Variants in RELN observed in about 807,000 individuals in gnomAD.
RELN encodes reelin.
A neutral mutation model predicts 427.6 loss-of-function variants in RELN; 108 were observed. The ratio of observed to expected loss-of-function variants is 0.25; its 90% CI spans 0.22 to 0.30. The LOEUF is 0.30. Ranked by LOEUF, RELN falls within the 10% of genes least tolerant of loss-of-function variation. The pLI is 1.00. For synonymous variants in RELN, 1,524 were observed against 1,513.4 expected, an observed-to-expected ratio of 1.01 and a Z score of -0.16; for missense variants, 3,715 against 4,302.8, an observed-to-expected ratio of 0.86 and a Z score of 3.82.
intron 3 of RELN, among the ~76,000 whole-genome samples, chr7:103,826,009 C>T (rs990093910): frequency 6.6e-6 from 1 of 151,970 alleles, no homozygotes; most frequent in East Asian, 1.9e-4. Context: ...GACAGCTCTG[C>T]CCTCATGAAT....
intron 3 of RELN, among the ~76,000 whole-genome samples, chr7:103,827,892 A>G (rs1461821640): frequency 1.3e-5 from 2 of 152,086 alleles, no homozygotes; most frequent in Non-Finnish European, 2.9e-5. Flanking sequence ...ATCTCAGAGC[A>G]TAGGTACAAT....
chr7:103,970,883 T>A (rs1478125316), intron 1 of RELN, among the ~76,000 whole-genome samples: 1 of 152,154 alleles, frequency 6.6e-6, no homozygotes, highest in Non-Finnish European at 1.5e-5. Flanking sequence ...AGGCTAGGCG[T>A]GGTGGCTCAC....
Position 103,681,309 on chromosome 7 carries a change from G to A in RELN, c.1289+807C>T, listed in dbSNP as rs78588575. Reference sequence around the variant, plus strand: ...TAATTTGTTGAGATCACAGTGACACGACTATACCTCAAATGTTGTATTATG... The same window carrying A: ...TAATTTGTTGAGATCACAGTGACACAACTATACCTCAAATGTTGTATTATG... On this transcript the variant is annotated intron_variant, in intron 11 of 64. Transcript: ENST00000428762. 6.4e-3 allele frequency among the ~76,000 whole-genome samples: 980 copies of A among 152,196 alleles called. 9 individuals carry two copies. Among genetic ancestry groups the A allele is most frequent in the African/African-American group, 0.019 (788 of 41,514 alleles).
intron 1 of RELN, among the ~76,000 whole-genome samples, chr7:103,962,967 C>T (rs916954597): frequency 1.3e-5 from 2 of 151,990 alleles, no homozygotes; most frequent in African/African-American, 4.8e-5. Context: ...AGGGAAGACA[C>T]TGGGGAAAGG....
At position 103,629,952 on chromosome 7, in the gene RELN, T is replaced by C; in HGVS notation, c.2690A>G (p.Asp897Gly). 1 of 1,601,162 alleles carries C rather than the reference T, an allele frequency of 6.2e-7. No individual in the cohort carries two copies. The highest frequency in any genetic ancestry group is 8.6e-7 in the Non-Finnish European group (1 of 1,168,264). Residue 897 changes from aspartate (D) to glycine (G), a missense_variant, in exon 20 of 65, where the codon GAC (aspartate) becomes GGC (glycine). This residue lies in a region of RELN where 2,208 missense variants were observed against 2,361.7 expected (regional missense o/e 0.93). Coordinates refer to ENST00000428762, the MANE Select transcript of RELN (RefSeq NM_005045.4). ...LGNVQPYCGH[D>G]WTLCFTGDSK... ...ATGAAATCCTTACCAAAGGGTCCAG[T>C]CGTGGCCACAGTATGGCTGAACATT...
chr7:103,971,766 T>TA (rs1191773042), intron 1 of RELN, among the ~76,000 whole-genome samples: 1 of 152,126 alleles, frequency 6.6e-6, no homozygotes, highest in African/African-American at 2.4e-5. Flanking sequence ...GAATAAATAA[T>TA]AAAAATAAAC....
intron 51 of RELN, among the ~76,000 whole-genome samples, chr7:103,503,855 T>C (rs188089433): frequency 3.6e-4 from 52 of 146,402 alleles, no homozygotes; most frequent in Non-Finnish European, 4.3e-4. Context: ...CTTTGTTTTC[T>C]ATAAATTTTT....
chr7:103,729,921 T>C (rs1400498695), intron 6 of RELN, among the ~76,000 whole-genome samples: 6 of 152,064 alleles, frequency 3.9e-5, no homozygotes, highest in African/African-American at 4.8e-5. Context: ...TAGGGTTTTT[T>C]TTTTCCATAG....
At chr7:103,692,401 A>G (rs900676914) in intron 10 of RELN, among the ~76,000 whole-genome samples, 2 of 152,086 alleles carry the variant, frequency 1.3e-5, no homozygotes, top group Non-Finnish European at 2.9e-5. Flanking sequence ...AGGCCCAGGA[A>G]TCAATGCCAG....
rs1229092334 is a variant in RELN at position 103,667,034 on chromosome 7, T to TA, written c.1290-5508_1290-5507insT. On this transcript the variant is annotated intron_variant, in intron 11 of 64. Transcript: ENST00000428762. The stretch of plus-strand genomic sequence containing the variant: ...TTCAGCTAAAGGCTTATTACTCAGG[T>TA]TTTTAATTTCCCTTTGTTTTAGGTA... Among the ~76,000 whole-genome samples, 39 of 152,336 alleles carry TA rather than the reference T, an allele frequency of 2.6e-4. No homozygotes were observed. In the East Asian group the frequency reaches 5.6e-3, roughly 22 times the overall value.
intron 1 of RELN, among the ~76,000 whole-genome samples, chr7:103,979,751 G>C (rs1443730034): frequency 6.6e-6 from 1 of 152,204 alleles, no homozygotes; most frequent in Non-Finnish European, 1.5e-5. Context: ...ATATACAATA[G>C]ATGAACTTCA....
chr7:103,814,711 G>C (rs947634260), intron 3 of RELN, among the ~76,000 whole-genome samples: 1 of 152,074 alleles, frequency 6.6e-6, no homozygotes, highest in Non-Finnish European at 1.5e-5. Flanking sequence ...ACAGTGTGAT[G>C]AAAAGGGAAG....
chr7:103,679,059 T>A (rs112576519), intron 11 of RELN, among the ~76,000 whole-genome samples: 124 of 152,246 alleles, frequency 8.1e-4, no homozygotes, highest in South Asian at 3.7e-3. Flanking sequence ...TTGTGACTTT[T>A]AAAAAAAATT....
At chr7:103,836,402 C>G (rs1219928274) in intron 2 of RELN, among the ~76,000 whole-genome samples, 2 of 152,174 alleles carry the variant, frequency 1.3e-5, no homozygotes, top group African/African-American at 4.8e-5. Context: ...TGCTCAATAG[C>G]ACATGTGGCT....
chr7:103,786,807 T>C (rs1792029154), intron 3 of RELN, among the ~76,000 whole-genome samples: 1 of 151,956 alleles, frequency 6.6e-6, no homozygotes, highest in South Asian at 2.1e-4. Context: ...GCAGAAAATT[T>C]ACAAGGATAT....
intron 11 of RELN, among the ~76,000 whole-genome samples, chr7:103,667,789 G>A (rs999613341): frequency 1.6e-4 from 24 of 152,160 alleles, no homozygotes; most frequent in Admixed American, 9.2e-4. Flanking sequence ...AGTTTATCAT[G>A]TATGCTTACT....
chr7:103,977,411 G>A (rs1489952168), intron 1 of RELN, among the ~76,000 whole-genome samples: 1 of 151,642 alleles, frequency 6.6e-6, no homozygotes, highest in Admixed American at 6.6e-5. Context: ...ACGAGGAGAG[G>A]TCACCTATAC....
intron 52 of RELN, 115 bp downstream of exon 52, chr7:103,502,901 G>T: frequency 1.1e-6 from 1 of 872,136 alleles, no homozygotes; most frequent in African/African-American, 1.7e-5. Flanking sequence ...TAGAGTTAGG[G>T]AGAAAGAAAG....
At chr7:103,475,853 GA>G (rs1828014211) in intron 64 of RELN, among the ~76,000 whole-genome samples, 1 of 152,112 alleles carries the variant, frequency 6.6e-6, no homozygotes. Context: ...CAATTTAGGG[GA>G]CATTTTGAAT....
Sources: allele counts gnomAD v4.1 joint callset (sites outside exome capture counted in the v4.1 genomes callset), GRCh38; gene constraint gnomAD v4.1.1; regional missense constraint gnomAD v4.1.1; transcripts MANE v1.5; gene names NCBI Gene and HGNC (gene_info 2026-07-23, HGNC 2026-07-21).